Variants in DPYSL5 observed in about 807,000 individuals in gnomAD.
DPYSL5 encodes the protein dihydropyrimidinase-related protein 5.
Under a neutral mutation model 58.4 loss-of-function variants are expected in DPYSL5, and 9 were observed. That is an observed-to-expected ratio of 0.15 (90% CI 0.09 to 0.27). The LOEUF is 0.27. DPYSL5 is among the 10% of genes least tolerant of loss of function. The pLI, the probability that DPYSL5 is intolerant of heterozygous loss-of-function variation, is 1.00. For missense variants in DPYSL5, 499 were observed against 770.6 expected (o/e 0.65, Z 4.17); for synonymous variants, 293 against 301.9 (o/e 0.97, Z 0.31).
intron 1 of DPYSL5, among the ~76,000 whole-genome samples, chr2:26,888,701 G>C (rs1663792746): frequency 6.6e-6 from 1 of 152,138 alleles, no homozygotes; most frequent in African/African-American, 2.4e-5. Context: ...CAAAGTTTTT[G>C]GCGAAACATA....
rs774113266 is a variant in DPYSL5, at chr2:26,944,844, G to A, written c.1609+20G>A. 7.4e-6 allele frequency: 12 copies of A among 1,611,926 alleles called. No homozygotes were observed. Among genetic ancestry groups the A allele is most frequent in the Non-Finnish European group, 6.8e-6 (8 of 1,178,928 alleles). On this transcript the variant is annotated intron_variant, in intron 12 of 12. Coordinates refer to ENST00000288699, the MANE Select transcript of DPYSL5 (RefSeq NM_020134.4). The surrounding 1 kb of genome is among the most constrained non-coding windows in gnomAD (Gnocchi z 4.4). ...TCTCTGGTAAGAGTCAGGGGGCCAC[G>A]GGAGGAGGATGGGGGTCTGGGAGAA...
chr2:26,860,362 A>T (rs1665980611), intron 1 of DPYSL5, among the ~76,000 whole-genome samples: 1 of 152,240 alleles, frequency 6.6e-6, no homozygotes, highest in African/African-American at 2.4e-5. Flanking sequence ...TCAAATGAGA[A>T]GATGCAGACT....
intron 1 of DPYSL5, among the ~76,000 whole-genome samples, chr2:26,859,060 T>C (rs887005835): frequency 6.6e-6 from 1 of 152,230 alleles, no homozygotes; most frequent in African/African-American, 2.4e-5. Context: ...CATATTCTGT[T>C]CTTTCATCAA....
intron 1 of DPYSL5, among the ~76,000 whole-genome samples, chr2:26,884,908 G>A (rs190249686): frequency 6.6e-5 from 10 of 152,120 alleles, no homozygotes; most frequent in South Asian, 2.1e-4. Flanking sequence ...TTTAAAAACC[G>A]TCTCAGGAGG....
chr2:26,933,199 T>C lies in DPYSL5; in HGVS notation c.715-59T>C. On this transcript the variant is annotated intron_variant, in intron 6 of 12. Transcript: ENST00000288699. The surrounding 1 kb of genome is among the most constrained non-coding windows in gnomAD (Gnocchi z 4.2). ...AGGGCTGACTTTGCCAGGGTTATTCTGATGCTTGTGAAGTTTATGGGTCAA... is the reference window on the plus strand; with the variant it reads ...AGGGCTGACTTTGCCAGGGTTATTCCGATGCTTGTGAAGTTTATGGGTCAA... The C allele has an allele frequency of 6.5e-7, 1 of 1,533,594 alleles. No homozygotes were observed. The highest frequency in any genetic ancestry group is 9.0e-7 in the Non-Finnish European group (1 of 1,106,780). The allele number at this position is 1,533,594 out of a possible 1,614,324, so 95.0% of individuals were successfully genotyped here.
intron 2 of DPYSL5, among the ~76,000 whole-genome samples, chr2:26,914,651 C>T (rs1664520584): frequency 6.6e-6 from 1 of 152,208 alleles, no homozygotes; most frequent in African/African-American, 2.4e-5. Flanking sequence ...AGACCTTTCT[C>T]TCACTTCTCA....
rs370864566 is a variant in DPYSL5 at position 26,885,165 on chromosome 2, C to T, written c.-4-13331C>T. ...AGTGAGCTCGGATCGTGCCATTGCA[C>T]TCCAGCCTGGGTGACAGAGCAAGAC... On this transcript the variant is annotated intron_variant, in intron 1 of 12. Coordinates refer to ENST00000288699, the MANE Select transcript of DPYSL5 (RefSeq NM_020134.4). 2.0e-4 allele frequency among the ~76,000 whole-genome samples: 31 copies of T among 152,198 alleles called. No individual in the cohort carries two copies. In the South Asian group the frequency reaches 6.0e-3, roughly 30 times the overall value.
chr2:26,882,908 TA>T (rs74378520), intron 1 of DPYSL5, among the ~76,000 whole-genome samples: 7,007 of 100,106 alleles, frequency 0.07, 202 homozygotes, highest in Non-Finnish European at 0.086. Context: ...GAGACTATCT[TA>T]AAAAAAAAAA....
chr2:26,873,176 C>T (rs1333850452), intron 1 of DPYSL5, among the ~76,000 whole-genome samples: 2 of 152,134 alleles, frequency 1.3e-5, no homozygotes, highest in East Asian at 1.9e-4. Context: ...TTTAAATCAA[C>T]ATTGTTGAGG....
chr2:26,921,745 G>T (rs544098678), intron 2 of DPYSL5, among the ~76,000 whole-genome samples: 4 of 152,262 alleles, frequency 2.6e-5, no homozygotes, highest in Admixed American at 2.0e-4. Flanking sequence ...TTGTTTCGAG[G>T]CCTTGGGGTA....
intron 5 of DPYSL5, 78 bp from the exon 6 acceptor site, chr2:26,931,562 T>G: frequency 1.3e-6 from 2 of 1,570,568 alleles, no homozygotes; most frequent in Non-Finnish European, 1.7e-6. Context: ...AGTTGCTCCA[T>G]GAAGGGGAGA....
At chr2:26,935,629 C>T (rs1665152349) in intron 8 of DPYSL5, among the ~76,000 whole-genome samples, 1 of 144,898 alleles carries the variant, frequency 6.9e-6, no homozygotes, top group Non-Finnish European at 1.5e-5. Flanking sequence ...GCAGAGGTTG[C>T]AGTGAGCTAG....
chr2:26,934,788 C>T lies in DPYSL5; in HGVS notation c.947+54C>T. ...GATGTGTACATCTTTAGGAAGACGT[C>T]ATAGAGGGCCCAGGAAACAAATCTG... On this transcript the variant is annotated intron_variant, in intron 8 of 12. Coordinates refer to ENST00000288699, the MANE Select transcript of DPYSL5 (RefSeq NM_020134.4). This position sits in a 1 kb window ranked among gnomAD's most constrained non-coding sequence, Gnocchi z 4.3. 6.3e-7 allele frequency: 1 copy of T among 1,593,398 alleles called. No individual in the cohort carries two copies. Among genetic ancestry groups the T allele is most frequent in the South Asian group, 1.1e-5 (1 of 88,100 alleles).
Position 26,933,239 on chromosome 2 carries a change from C to T in DPYSL5, c.715-19C>T. The T allele has an allele frequency of 6.2e-7, 1 of 1,612,754 alleles. No individual in the cohort carries two copies. The highest frequency in any genetic ancestry group is 1.3e-5 in the African/African-American group (1 of 75,006). On this transcript the variant is annotated intron_variant, in intron 6 of 12. Transcript: ENST00000288699. This position sits in a 1 kb window ranked among gnomAD's most constrained non-coding sequence, Gnocchi z 4.2. ...TTATGGGTCAACCCTCCCTACTTCC[C>T]ACTGTTTCTTGTGTTTAGACTCACT...
Position 26,885,646 on chromosome 2 carries a change from G to A in DPYSL5, c.-4-12850G>A, listed in dbSNP as rs541119038. ...GTGGCTGTGGACAAGGACCCAGGGT[G>A]TCTCATGGTGGATGTAACATTAGAC... On this transcript the variant is annotated intron_variant, in intron 1 of 12. Coordinates refer to ENST00000288699, the MANE Select transcript of DPYSL5 (RefSeq NM_020134.4). Among the ~76,000 whole-genome samples, 62 of 152,294 alleles carry A rather than the reference G, an allele frequency of 4.1e-4. No homozygotes were observed. In the South Asian group the frequency reaches 0.01, roughly 25 times the overall value.
At position 26,866,839 on chromosome 2, in the gene DPYSL5, C is replaced by T. The variant is rs184015842; in HGVS notation, c.-5+18585C>T. 2.9e-4 allele frequency among the ~76,000 whole-genome samples: 43 copies of T among 150,550 alleles called. 1 individual carries two copies. In the East Asian group the frequency reaches 7.9e-3, roughly 28 times the overall value. On this transcript the variant is annotated intron_variant, in intron 1 of 12. Transcript: ENST00000288699. ...CTCCGTCTCCCGGGTTCAAGTGATTCTCCTGCCTCAGCCTCCTCAGTAGCT... is the reference window on the plus strand; with the variant it reads ...CTCCGTCTCCCGGGTTCAAGTGATTTTCCTGCCTCAGCCTCCTCAGTAGCT...
At position 26,924,758 on chromosome 2, in the gene DPYSL5, C is replaced by T. The variant is rs890574650; in HGVS notation, c.262-129C>T. 6.9e-6 allele frequency: 9 copies of T among 1,311,806 alleles called. 1 individual carries two copies. In the Admixed American group the frequency reaches 1.7e-4, roughly 25 times the overall value. 81.3% of individuals were successfully genotyped at this position (1,311,806 alleles called of 1,614,324 possible). On this transcript the variant is annotated intron_variant, in intron 2 of 12. Coordinates refer to ENST00000288699, the MANE Select transcript of DPYSL5 (RefSeq NM_020134.4). This position sits in a 1 kb window ranked among gnomAD's most constrained non-coding sequence, Gnocchi z 4.7. ...TTTACAGTTTCCCAAACCTCGCTGC[C>T]CTTGGTCCTCACAGCCTCTTGTGAG...
In DPYSL5 at chr2:26,928,249, A is replaced by T. The variant is rs1454788259; in HGVS notation, c.601-6A>T. The stretch of plus-strand genomic sequence containing the variant: ...TCTCCATTTTCTTTCTCTTGCTGTT[A>T]TCCAGGGTGCTAAGGAGGCACTGGA... On this transcript the variant is annotated splice_region_variant and splice_polypyrimidine_tract_variant and intron_variant, in intron 4 of 12. Transcript: ENST00000288699. 13 of 1,613,664 alleles carry T rather than the reference A, an allele frequency of 8.1e-6. No homozygotes were observed. The highest frequency in any genetic ancestry group is 1.7e-5 in the Admixed American group (1 of 59,966).
At chr2:26,915,380 A>G (rs1181384504) in intron 2 of DPYSL5, among the ~76,000 whole-genome samples, 1 of 152,166 alleles carries the variant, frequency 6.6e-6, no homozygotes, top group African/African-American at 2.4e-5. Flanking sequence ...GCCTCCATGG[A>G]CCATCGGAGA....
Sources: gnomAD v4.1 joint callset for allele counts (sites outside exome capture counted in the v4.1 genomes callset) on GRCh38, gnomAD v4.1.1 for gene constraint, Gnocchi (gnomAD v3.1) non-coding constraint, MANE v1.5 for transcripts, NCBI Gene and HGNC (gene_info 2026-07-23, HGNC 2026-07-21) for gene names.